The following PLXNA2 variants were observed in gnomAD, a reference collection of about 807,000 sequenced individuals.
PLXNA2 encodes the protein plexin A2, also known as plexin-A2.
In PLXNA2, 91 loss-of-function variants were observed where a neutral mutation model predicts 193.5. The observed-to-expected ratio is 0.47, with a 90% CI of 0.40 to 0.56. The LOEUF (loss-of-function observed/expected upper bound fraction) is 0.56, where lower values mean the gene tolerates loss of function less well. Among genes scored for constraint, PLXNA2 ranks in the 20% least tolerant of loss-of-function variants. The pLI, the probability that PLXNA2 is intolerant of heterozygous loss-of-function variation, is 0.00. For synonymous variants in PLXNA2, 997 were observed against 1,027.3 expected (o/e 0.97, Z 0.56); for missense variants, 1,995 against 2,503.2 (o/e 0.80, Z 4.33).
intron 12 of PLXNA2, among the ~76,000 whole-genome samples, chr1:208,073,065 A>G (rs1180108956): frequency 6.6e-6 from 1 of 152,178 alleles, no homozygotes; most frequent in African/African-American, 2.4e-5. Flanking sequence ...CTTCTCTAAG[A>G]ACTGTTTCCC....
intron 3 of PLXNA2, among the ~76,000 whole-genome samples, chr1:208,202,379 T>C (rs537730942): frequency 2.6e-5 from 4 of 152,320 alleles, no homozygotes; most frequent in South Asian, 4.1e-4. Flanking sequence ...ATGAATTATG[T>C]CATTTAATCC....
intron 11 of PLXNA2, among the ~76,000 whole-genome samples, chr1:208,081,694 T>G (rs1052836686): frequency 5.3e-5 from 8 of 152,188 alleles, no homozygotes; most frequent in African/African-American, 1.9e-4. Flanking sequence ...TCAGAGTTAT[T>G]GTGATGCTTA....
At chr1:208,063,491 T>C (rs1383272563) in intron 12 of PLXNA2, among the ~76,000 whole-genome samples, 1 of 152,198 alleles carries the variant, frequency 6.6e-6, no homozygotes, top group Non-Finnish European at 1.5e-5. Flanking sequence ...ATTATAATCT[T>C]GGCATGAAGA....
intron 3 of PLXNA2, among the ~76,000 whole-genome samples, chr1:208,185,054 G>A (rs973236047): frequency 6.6e-6 from 1 of 152,102 alleles, no homozygotes; most frequent in Non-Finnish European, 1.5e-5. Flanking sequence ...TCCTGGCATT[G>A]GCCCATAAGG....
At chr1:208,047,014 G>A (rs1665093802) in intron 17 of PLXNA2, among the ~76,000 whole-genome samples, 1 of 152,166 alleles carries the variant, frequency 6.6e-6, no homozygotes, top group Non-Finnish European at 1.5e-5. Context: ...AGGCTGGAGT[G>A]CAGTGGTGCG....
At chr1:208,154,594 C>A (rs896528739) in intron 3 of PLXNA2, among the ~76,000 whole-genome samples, 1 of 152,222 alleles carries the variant, frequency 6.6e-6, no homozygotes, top group African/African-American at 2.4e-5. Flanking sequence ...TAAAAAAATT[C>A]TCCCCTCTCC....
At position 208,116,066 on chromosome 1, in the gene PLXNA2, G is replaced by C. The variant is rs142107416; in HGVS notation, c.1507-12819C>G. 5.9e-5 allele frequency among the ~76,000 whole-genome samples: 9 copies of C among 152,252 alleles called. No homozygotes were observed. In the South Asian group the frequency reaches 8.3e-4, roughly 14 times the overall value. ...TGTCAACTGCACTCCTGCCAGGCTG[G>C]CCTCCTCTCTTGCTTTGTGTAGTCC... On this transcript the variant is annotated intron_variant, in intron 4 of 31. Transcript: ENST00000367033.
At chr1:208,055,054 T>C (rs1402915197) in intron 13 of PLXNA2, among the ~76,000 whole-genome samples, 1 of 152,114 alleles carries the variant, frequency 6.6e-6, no homozygotes, top group Admixed American at 6.5e-5. Context: ...TCTGGTGAGA[T>C]AGTGAGAGCT....
chr1:208,050,978 C>T (rs1665239528), intron 17 of PLXNA2, 31 bp downstream of exon 17: 3 of 1,525,770 alleles, frequency 2.0e-6, no homozygotes, highest in Non-Finnish European at 9.1e-7. Context: ...CTGTGTTTAC[C>T]AAAGGCTGGG....
chr1:208,237,753 C>T (rs1157485195), intron 1 of PLXNA2, among the ~76,000 whole-genome samples: 1 of 152,202 alleles, frequency 6.6e-6, no homozygotes. Context: ...CTTCCTCTGA[C>T]CCCCTAGTAC....
At chr1:208,047,827 G>T (rs1665127525) in intron 17 of PLXNA2, among the ~76,000 whole-genome samples, 1 of 152,246 alleles carries the variant, frequency 6.6e-6, no homozygotes, top group South Asian at 2.1e-4. Flanking sequence ...CTTTCCAAAG[G>T]GAATTTAAGA....
intron 4 of PLXNA2, among the ~76,000 whole-genome samples, chr1:208,116,585 G>A (rs1667645209): frequency 1.3e-5 from 2 of 152,144 alleles, no homozygotes; most frequent in African/African-American, 2.4e-5. Context: ...GAGGCTTTTG[G>A]TGTCACGGAA....
Position 208,168,723 on chromosome 1 carries a change from G to GT in PLXNA2, c.1372-26261_1372-26260insA, listed in dbSNP as rs751893998. ...CAAAAAGAAGACAAAGAGTATGCGG[G>GT]GTTTTTTTTTTTTTTTTTTTTTTTT... is the stretch of plus-strand genomic sequence containing the variant. On this transcript the variant is annotated intron_variant, in intron 3 of 31. Transcript: ENST00000367033. Among the ~76,000 whole-genome samples the GT allele has an allele frequency of 7.3e-4, 75 of 102,230 alleles. 11 individuals are homozygous for GT. The highest frequency in any genetic ancestry group is 2.4e-3 in the East Asian group (6 of 2,486). The allele number at this position is 102,230 out of a possible 152,430, so 67.1% of individuals were successfully genotyped here. A position where few individuals can be genotyped will look rare whatever the true frequency, so the allele number is the denominator to read the frequency against.
At chr1:208,146,973 G>A (rs1668622262) in intron 3 of PLXNA2, among the ~76,000 whole-genome samples, 1 of 152,202 alleles carries the variant, frequency 6.6e-6, no homozygotes, top group African/African-American at 2.4e-5. Flanking sequence ...ACAAGGAACA[G>A]AAGAGAGTGA....
rs1024841586 is a variant in PLXNA2, at chr1:208,028,349, G to A, written c.5439-190C>T. On this transcript the variant is annotated intron_variant, in intron 30 of 31. Coordinates refer to ENST00000367033, the MANE Select transcript of PLXNA2 (RefSeq NM_025179.4). This position sits in a 1 kb window ranked among gnomAD's most constrained non-coding sequence, Gnocchi z 4.2. ...GAGGCTGAAGGCCAGAGTTTCTTCA[G>A]TAGATTCCATCTAGCCGAGAGCTCG... Among the ~76,000 whole-genome samples, 2 of 152,192 alleles carry A rather than the reference G, an allele frequency of 1.3e-5. No homozygotes were observed. The highest frequency in any genetic ancestry group is 6.5e-5 in the Admixed American group (1 of 15,288).
intron 4 of PLXNA2, among the ~76,000 whole-genome samples, chr1:208,136,875 TA>T (rs901026619): frequency 1.3e-5 from 2 of 152,184 alleles, no homozygotes; most frequent in Non-Finnish European, 2.9e-5. Context: ...CTAGTAATAA[TA>T]ATTACCACCA....
chr1:208,175,241 G>T (rs911742647), intron 3 of PLXNA2, among the ~76,000 whole-genome samples: 4 of 152,158 alleles, frequency 2.6e-5, no homozygotes, highest in African/African-American at 4.8e-5. Flanking sequence ...AAAGGGTGGA[G>T]GGGGAGAGGG....
At chr1:208,075,156 C>T (rs1312181784) in intron 12 of PLXNA2, among the ~76,000 whole-genome samples, 1 of 151,946 alleles carries the variant, frequency 6.6e-6, no homozygotes, top group African/African-American at 2.4e-5. Context: ...AGCAAAAATA[C>T]AAAAATTAGC....
intron 12 of PLXNA2, among the ~76,000 whole-genome samples, chr1:208,061,511 T>C (rs1394232501): frequency 1.3e-5 from 2 of 152,176 alleles, no homozygotes; most frequent in African/African-American, 4.8e-5. Flanking sequence ...TAGGTGTGGC[T>C]GCAGGGGAGA....
Sources: gnomAD v4.1 joint callset for allele counts (sites outside exome capture counted in the v4.1 genomes callset) on GRCh38, gnomAD v4.1.1 for gene constraint, Gnocchi (gnomAD v3.1) non-coding constraint, MANE v1.5 for transcripts, NCBI Gene and HGNC (gene_info 2026-07-23, HGNC 2026-07-21) for gene names.